ATF7IP: variants seen among roughly 807,000 people sequenced by gnomAD.
ATF7IP encodes the protein activating transcription factor 7-interacting protein 1.
Under a neutral mutation model 106.4 loss-of-function variants are expected in ATF7IP, and 23 were observed. The observed-to-expected ratio is 0.22, with a 90% CI of 0.16 to 0.31. The LOEUF (loss-of-function observed/expected upper bound fraction) is 0.31, where lower values mean the gene tolerates loss of function less well. ATF7IP is among the 10% of genes least tolerant of loss of function. The probability of loss-of-function intolerance (pLI) is 1.00; values close to 1 mark genes in which losing one functional copy is unlikely to be tolerated. For synonymous variants in ATF7IP, 542 were observed against 539.0 expected, an observed-to-expected ratio of 1.01 and a Z score of -0.08; for missense variants, 1,334 against 1,524.3, an observed-to-expected ratio of 0.88 and a Z score of 2.08.
At chr12:14,425,516 G>T in intron 2 of ATF7IP, 43 bp downstream of exon 2, 1 of 1,477,836 alleles carries the variant, frequency 6.8e-7, no homozygotes, top group Non-Finnish European at 9.0e-7. Flanking sequence ...TATTGACTTT[G>T]ATGAACTGTT....
chr12:14,457,513 G>A (rs764790515), intron 8 of ATF7IP, among the ~76,000 whole-genome samples: 1 of 151,982 alleles, frequency 6.6e-6, no homozygotes, highest in African/African-American at 2.4e-5. Flanking sequence ...CCAAACCCAG[G>A]AGTTCAAGTC....
At chr12:14,409,319 A>G (rs1286433264) in intron 1 of ATF7IP, among the ~76,000 whole-genome samples, 2 of 152,134 alleles carry the variant, frequency 1.3e-5, no homozygotes, top group Non-Finnish European at 2.9e-5. Context: ...CATATGTAAC[A>G]TCAGAAAGTT....
chr12:14,418,043 G>T (rs1941292481), intron 1 of ATF7IP, among the ~76,000 whole-genome samples: 1 of 151,918 alleles, frequency 6.6e-6, no homozygotes, highest in East Asian at 1.9e-4. Context: ...GGGTGGAGGG[G>T]GATGAAGCAG....
chr12:14,481,749 C>A, intron 13 of ATF7IP: 1 of 216,340 alleles, frequency 4.6e-6, no homozygotes, highest in South Asian at 5.6e-5. Flanking sequence ...TTAAGAAACA[C>A]CTTACCTAGT....
At chr12:14,394,735 A>G (rs1939744890) in intron 1 of ATF7IP, 1 of 152,232 alleles carries the variant, frequency 6.6e-6, no homozygotes, top group African/African-American at 2.4e-5. Flanking sequence ...TGAGACCACA[A>G]TTGACAGTGA....
intron 8 of ATF7IP, among the ~76,000 whole-genome samples, chr12:14,457,742 C>T (rs760711126): frequency 2.6e-5 from 4 of 152,034 alleles, no homozygotes; most frequent in African/African-American, 9.7e-5. Flanking sequence ...TATTATCAGT[C>T]GAAATGAAGT....
intron 4 of ATF7IP, among the ~76,000 whole-genome samples, chr12:14,437,007 T>C (rs1349582248): frequency 6.6e-6 from 1 of 152,184 alleles, no homozygotes; most frequent in Non-Finnish European, 1.5e-5. Context: ...CATTCTAAAC[T>C]CTTTATTGTG....
chr12:14,408,109 T>C (rs998312861), intron 1 of ATF7IP, among the ~76,000 whole-genome samples: 2 of 98,634 alleles, frequency 2.0e-5, no homozygotes, highest in African/African-American at 8.4e-5. Context: ...TATATAGATA[T>C]TGATGTGCAC....
intron 2 of ATF7IP, among the ~76,000 whole-genome samples, chr12:14,433,309 A>G (rs1942233267): frequency 1.3e-5 from 2 of 152,180 alleles, no homozygotes; most frequent in African/African-American, 2.4e-5. Context: ...GATGAAGATC[A>G]TCCTGGCCAA....
At chr12:14,370,014 C>T (rs932274328) in intron 1 of ATF7IP, among the ~76,000 whole-genome samples, 12 of 151,844 alleles carry the variant, frequency 7.9e-5, no homozygotes, top group African/African-American at 1.9e-4. Flanking sequence ...CTCAGCTCAC[C>T]GCAACCTCCG....
intron 11 of ATF7IP, chr12:14,476,568 A>G (rs2136792806): frequency 6.6e-6 from 1 of 152,214 alleles, no homozygotes; most frequent in South Asian, 2.1e-4. Context: ...AAAATCCTGT[A>G]ATACTCATTT....
chr12:14,382,289 A>T (rs556962499), intron 1 of ATF7IP, among the ~76,000 whole-genome samples: 84 of 152,362 alleles, frequency 5.5e-4, no homozygotes, highest in Non-Finnish European at 9.0e-4. Flanking sequence ...TGAACATTAG[A>T]AATTGGTTGC....
chr12:14,387,059 TATC>T (rs1479077085), intron 1 of ATF7IP, among the ~76,000 whole-genome samples: 4 of 152,190 alleles, frequency 2.6e-5, no homozygotes, highest in Non-Finnish European at 4.4e-5. Flanking sequence ...GATCAGTATT[TATC>T]TCAGTTTCAT....
chr12:14,493,146 G>A (rs1173526305), intron 13 of ATF7IP, among the ~76,000 whole-genome samples: 2 of 152,158 alleles, frequency 1.3e-5, no homozygotes, highest in African/African-American at 4.8e-5. Flanking sequence ...TCCCTGAGCT[G>A]CAACATTAAA....
At chr12:14,420,730 C>T (rs1201314340) in intron 1 of ATF7IP, among the ~76,000 whole-genome samples, 1 of 152,190 alleles carries the variant, frequency 6.6e-6, no homozygotes, top group Non-Finnish European at 1.5e-5. Context: ...CTTGAATGTT[C>T]TCTGAGTTGG....
At chr12:14,479,596 ATT>A (rs1944369524) in intron 12 of ATF7IP, among the ~76,000 whole-genome samples, 1 of 152,162 alleles carries the variant, frequency 6.6e-6, no homozygotes, top group Non-Finnish European at 1.5e-5. Context: ...TTAGCAAACT[ATT>A]TGTTAATTAA....
chr12:14,416,936 AGCT>A, intron 1 of ATF7IP: 1 of 985,312 alleles, frequency 1.0e-6, no homozygotes. Context: ...GGCTGCAGCA[AGCT>A]CCCTCTTGGG....
chr12:14,371,249 A>C (rs1376430349), intron 1 of ATF7IP, among the ~76,000 whole-genome samples: 1 of 152,106 alleles, frequency 6.6e-6, no homozygotes, highest in African/African-American at 2.4e-5. Flanking sequence ...TGGAGGAATG[A>C]AAAGAAGAAA....
At chr12:14,422,312 TACACACACACACACACACACACACAC>T (rs59503201) in intron 1 of ATF7IP, among the ~76,000 whole-genome samples, 1 of 142,236 alleles carries the variant, frequency 7.0e-6, no homozygotes, top group Non-Finnish European at 1.5e-5. Flanking sequence ...AAAAAGAGAA[TACACACACACACACACACACACACAC>T]ACACACACAC....
Sources: gnomAD v4.1 joint callset for allele counts (sites outside exome capture counted in the v4.1 genomes callset) on GRCh38, gnomAD v4.1.1 for gene constraint, MANE v1.5 for transcripts, NCBI Gene and HGNC (gene_info 2026-07-23, HGNC 2026-07-21) for gene names.